The following CTNND2 variants were observed in gnomAD, a reference collection of about 807,000 sequenced individuals.
The protein encoded by CTNND2 is catenin delta-2.
Under a neutral mutation model 144.4 loss-of-function variants are expected in CTNND2, and 22 were observed. That is an observed-to-expected ratio of 0.15 (90% CI 0.11 to 0.22). CTNND2 has a LOEUF of 0.22. Among genes scored for constraint, CTNND2 ranks in the 10% least tolerant of loss-of-function variants. The probability of loss-of-function intolerance (pLI) is 1.00; values close to 1 mark genes in which losing one functional copy is unlikely to be tolerated. For missense variants in CTNND2, 1,353 were observed against 1,618.8 expected (o/e 0.84, Z 2.82); for synonymous variants, 751 against 695.6 (o/e 1.08, Z -1.25).
At chr5:11,540,153 C>A (rs1482085470) in intron 3 of CTNND2, among the ~76,000 whole-genome samples, 1 of 152,216 alleles carries the variant, frequency 6.6e-6, no homozygotes, top group Non-Finnish European at 1.5e-5. Context: ...GCTATTTCTA[C>A]AAATGGACGC....
chr5:11,734,458 T>C (rs1393329852), intron 1 of CTNND2, among the ~76,000 whole-genome samples: 1 of 152,162 alleles, frequency 6.6e-6, no homozygotes, highest in Non-Finnish European at 1.5e-5. Context: ...GTAGCTCAAA[T>C]GAACTTAAAA....
intron 3 of CTNND2, among the ~76,000 whole-genome samples, chr5:11,441,294 A>T (rs1764237082): frequency 6.6e-6 from 1 of 151,926 alleles, no homozygotes. Flanking sequence ...AAAACTGCTC[A>T]TCAGGCCATT....
At chr5:11,674,320 C>G (rs1160243358) in intron 2 of CTNND2, among the ~76,000 whole-genome samples, 1 of 152,058 alleles carries the variant, frequency 6.6e-6, no homozygotes, top group African/African-American at 2.4e-5. Flanking sequence ...TTAATGAAAA[C>G]AGATTTTTTT....
intron 2 of CTNND2, among the ~76,000 whole-genome samples, chr5:11,673,373 G>A (rs1439005852): frequency 6.6e-6 from 1 of 152,104 alleles, no homozygotes; most frequent in Admixed American, 6.6e-5. Context: ...TGAATATCCA[G>A]ATTTAAATCC....
chr5:11,179,276 G>C lies in CTNND2; in HGVS notation c.1976-19517C>G, dbSNP rs192312901. Among the ~76,000 whole-genome samples the C allele has an allele frequency of 3.5e-4, 53 of 151,942 alleles. No individual in the cohort carries two copies. In the Middle Eastern group the frequency reaches 0.02, roughly 59 times the overall value. On this transcript the variant is annotated intron_variant, in intron 11 of 21. Coordinates refer to ENST00000304623, the MANE Select transcript of CTNND2 (RefSeq NM_001332.4). ...CCACTGCACTCCAGCCTGGGTGACA[G>C]AGCGAGACTCCATCTCAAAAAAAAG... is the stretch of plus-strand genomic sequence containing the variant.
At chr5:11,858,256 G>A (rs1795339786) in intron 1 of CTNND2, among the ~76,000 whole-genome samples, 1 of 152,144 alleles carries the variant, frequency 6.6e-6, no homozygotes, top group African/African-American at 2.4e-5. Context: ...AAAATAGGTG[G>A]CAAAGTTGGT....
At chr5:11,313,604 G>A (rs1461339400) in intron 9 of CTNND2, among the ~76,000 whole-genome samples, 1 of 151,930 alleles carries the variant, frequency 6.6e-6, no homozygotes, top group African/African-American at 2.4e-5. Context: ...GAGCAGCCAT[G>A]TATTAGTATG....
At chr5:11,706,571 T>C (rs1011172165) in intron 2 of CTNND2, among the ~76,000 whole-genome samples, 1 of 152,162 alleles carries the variant, frequency 6.6e-6, no homozygotes, top group Non-Finnish European at 1.5e-5. Context: ...GTACTCTCTT[T>C]CCCTTAGTTG....
intron 9 of CTNND2, among the ~76,000 whole-genome samples, chr5:11,290,694 G>C (rs773955704): frequency 1.5e-4 from 23 of 152,084 alleles, no homozygotes; most frequent in Non-Finnish European, 2.9e-4. Flanking sequence ...ACCCATGATC[G>C]GTCCTTTTAA....
intron 9 of CTNND2, among the ~76,000 whole-genome samples, chr5:11,290,167 G>C (rs1260276436): frequency 6.6e-6 from 1 of 152,146 alleles, no homozygotes; most frequent in Non-Finnish European, 1.5e-5. Context: ...ACGATGTGTA[G>C]CAATTTCCAC....
chr5:11,869,067 G>T (rs1387769385), intron 1 of CTNND2, among the ~76,000 whole-genome samples: 1 of 152,086 alleles, frequency 6.6e-6, no homozygotes, highest in East Asian at 1.9e-4. Flanking sequence ...ATATCCATTA[G>T]AATGGCCATA....
At chr5:11,632,677 G>T (rs892454509) in intron 2 of CTNND2, among the ~76,000 whole-genome samples, 3 of 152,100 alleles carry the variant, frequency 2.0e-5, no homozygotes, top group African/African-American at 7.2e-5. Context: ...TTAGGAGATG[G>T]AAGATTTCAA....
intron 2 of CTNND2, among the ~76,000 whole-genome samples, chr5:11,663,890 T>C (rs1282430866): frequency 1.3e-5 from 2 of 152,188 alleles, no homozygotes; most frequent in African/African-American, 2.4e-5. Context: ...TATATTAGTT[T>C]GTGAAATTAA....
In CTNND2 at chr5:11,883,333, C is replaced by T. The variant is rs760719799; in HGVS notation, c.37+20484G>A. The stretch of plus-strand genomic sequence containing the variant: ...TCTCCTAATGCTATCCCTCCCCTAC[C>T]GCCCCACACCCTGACAGGCCTCAGC... On this transcript the variant is annotated intron_variant, in intron 1 of 21. Coordinates refer to ENST00000304623, the MANE Select transcript of CTNND2 (RefSeq NM_001332.4). 6.6e-5 allele frequency among the ~76,000 whole-genome samples: 10 copies of T among 152,144 alleles called. No individual in the cohort carries two copies. The South Asian group carries it at 1.5e-3, about 22-fold the overall frequency.
chr5:11,684,953 T>C (rs1419749670), intron 2 of CTNND2, among the ~76,000 whole-genome samples: 5 of 152,240 alleles, frequency 3.3e-5, no homozygotes, highest in Admixed American at 2.0e-4. Flanking sequence ...TTCTTCCCTC[T>C]ACCTGATAAT....
chr5:11,447,445 G>A (rs1016102356), intron 3 of CTNND2, among the ~76,000 whole-genome samples: 2 of 152,058 alleles, frequency 1.3e-5, no homozygotes, highest in East Asian at 1.9e-4. Context: ...CTATGATAAG[G>A]GAATAGGAAT....
chr5:11,238,888 G>A (rs1461323794), intron 9 of CTNND2, among the ~76,000 whole-genome samples: 1 of 152,088 alleles, frequency 6.6e-6, no homozygotes, highest in Non-Finnish European at 1.5e-5. Context: ...AACAATCATA[G>A]AATTAAAAAT....
intron 1 of CTNND2, among the ~76,000 whole-genome samples, chr5:11,806,249 G>A (rs1489235310): frequency 1.3e-5 from 2 of 152,096 alleles, no homozygotes; most frequent in Admixed American, 6.6e-5. Context: ...TCAGATGAGG[G>A]ACAACTGGGA....
At chr5:11,832,237 C>T (rs1047212575) in intron 1 of CTNND2, among the ~76,000 whole-genome samples, 1 of 151,568 alleles carries the variant, frequency 6.6e-6, no homozygotes, top group Non-Finnish European at 1.5e-5. Flanking sequence ...GAGCTGAGAT[C>T]GTGCCACTGC....
Sources: allele counts gnomAD v4.1 joint callset (sites outside exome capture counted in the v4.1 genomes callset), GRCh38; gene constraint gnomAD v4.1.1; transcripts MANE v1.5; gene names NCBI Gene and HGNC (gene_info 2026-07-23, HGNC 2026-07-21).